The following TREML2 variants were observed in gnomAD, a reference collection of about 807,000 sequenced individuals.
TREML2 encodes triggering receptor expressed on myeloid cells like 2.
In TREML2, 24 loss-of-function variants were observed where a neutral mutation model predicts 25.9. That is an observed-to-expected ratio of 0.93 (90% CI 0.67 to 1.30). The LOEUF is 1.30. Among genes scored for constraint, TREML2 ranks in the 50% most tolerant of loss-of-function variants. The pLI is 0.00. For missense variants in TREML2, 359 were observed against 395.6 expected (o/e 0.91, Z 0.78); for synonymous variants, 139 against 155.2 (o/e 0.90, Z 0.77).
At chr6:41,192,547 C>A in intron 4 of TREML2, 41 bp from the exon 5 acceptor site, 1 of 1,573,096 alleles carries the variant, frequency 6.4e-7, no homozygotes, top group Non-Finnish European at 8.7e-7. Context: ...TCCTGCCCTG[C>A]CCACGGTGCC....
At chr6:41,193,016 G>A (rs796421328) in intron 3 of TREML2, 115 bp from the exon 4 acceptor site, 13 of 773,950 alleles carry the variant, frequency 1.7e-5, no homozygotes, top group South Asian at 1.1e-4. Context: ...CGGGGTAGAC[G>A]GCCACCCTCT....
At chr6:41,192,558 C>G (rs1766084883) in intron 4 of TREML2, 52 bp from the exon 5 acceptor site, 1 of 1,538,934 alleles carries the variant, frequency 6.5e-7, no homozygotes, top group Non-Finnish European at 9.0e-7. Context: ...CCACGGTGCC[C>G]CGATGCTCCT....
At chr6:41,192,770 C>T in intron 4 of TREML2, 31 bp downstream of exon 4, 1 of 1,590,148 alleles carries the variant, frequency 6.3e-7, no homozygotes. Flanking sequence ...GAGCTCTGCC[C>T]TCAGGAGGCT....
chr6:41,195,225 G>A (rs1324558172), intron 2 of TREML2, among the ~76,000 whole-genome samples: 1 of 152,108 alleles, frequency 6.6e-6, no homozygotes, highest in Non-Finnish European at 1.5e-5. Flanking sequence ...GACAAGTAGG[G>A]TCCAGAGATG....
intron 2 of TREML2, among the ~76,000 whole-genome samples, chr6:41,197,565 C>T (rs1372102363): frequency 6.6e-6 from 1 of 152,174 alleles, no homozygotes; most frequent in African/African-American, 2.4e-5. Flanking sequence ...CTCTGACCCC[C>T]AGTACTTCAG....
At chr6:41,196,591 G>A (rs146851403) in intron 2 of TREML2, among the ~76,000 whole-genome samples, 3 of 152,122 alleles carry the variant, frequency 2.0e-5, no homozygotes, top group Non-Finnish European at 4.4e-5. Flanking sequence ...AAGCTCAGTG[G>A]TTCTTTATTA....
At chr6:41,192,603 G>C (rs533357126) in intron 4 of TREML2, 97 bp from the exon 5 acceptor site, 1 of 1,339,878 alleles carries the variant, frequency 7.5e-7, no homozygotes, top group East Asian at 2.4e-5. Flanking sequence ...CTCTGCCTCT[G>C]GTTCCTTCCA....
chr6:41,192,742 C>G (rs1766090262), intron 4 of TREML2, 59 bp downstream of exon 4: 1 of 1,489,854 alleles, frequency 6.7e-7, no homozygotes, highest in Middle Eastern at 1.7e-4. Context: ...AGGTCATAAC[C>G]CTTAGTGCAG....
chr6:41,199,675 A>T (rs756693333), intron 1 of TREML2, among the ~76,000 whole-genome samples: 5 of 152,002 alleles, frequency 3.3e-5, no homozygotes, highest in Non-Finnish European at 1.5e-5. Flanking sequence ...AGCTCAGCTG[A>T]CTCTTCTGAT....
Position 41,199,741 on chromosome 6 carries a change from G to A in TREML2, c.55+1213C>T, listed in dbSNP as rs866067888. Reference sequence around the variant, plus strand: ...ACATATAAAAAGACTCTCCCCCATAGTAGAGAACAGAGAGCACACATTTTG... The same window carrying A: ...ACATATAAAAAGACTCTCCCCCATAATAGAGAACAGAGAGCACACATTTTG... On this transcript the variant is annotated intron_variant, in intron 1 of 4. Transcript: ENST00000483722. Among the ~76,000 whole-genome samples the A allele has an allele frequency of 5.3e-5, 8 of 152,324 alleles. No individual in the cohort carries two copies. The South Asian group carries it at 1.7e-3, about 32-fold the overall frequency.
chr6:41,197,975 T>A, intron 2 of TREML2, 134 bp downstream of exon 2: 1 of 882,124 alleles, frequency 1.1e-6, no homozygotes, highest in Non-Finnish European at 1.7e-6. Context: ...AATAGTGCCA[T>A]AAAGGCACTC....
intron 2 of TREML2, 36 bp from the exon 3 acceptor site, chr6:41,194,869 T>C: frequency 6.5e-7 from 1 of 1,534,664 alleles, no homozygotes; most frequent in Non-Finnish European, 8.8e-7. Context: ...TAGATTGACT[T>C]GGGTGCCTCA....
At position 41,198,417 on chromosome 6, in the gene TREML2, T is replaced by G; in HGVS notation, c.68A>C (p.Asp23Ala). ...PQGCVSGPSA[D>A]SVYTKVRLLE... Reference sequence around the variant, plus strand: ...GAGCCTCACTTTTGTGTATACACTGTCAGCAGAGGGGCCTGTGGAGACAAT... The same window carrying G: ...GAGCCTCACTTTTGTGTATACACTGGCAGCAGAGGGGCCTGTGGAGACAAT... Residue 23 changes from aspartate to alanine, a missense_variant, in exon 2 of 5, where the codon GAC becomes GCC. Physicochemically the swap from Asp to Ala is moderately radical, Grantham distance 126. Coordinates refer to ENST00000483722, the MANE Select transcript of TREML2 (RefSeq NM_024807.4). 1 of 1,606,428 alleles carries G rather than the reference T, an allele frequency of 6.2e-7. No individual in the cohort carries two copies. Among genetic ancestry groups the G allele is most frequent in the Non-Finnish European group, 8.5e-7 (1 of 1,173,420 alleles).
At chr6:41,194,090 A>G (rs546631201) in intron 3 of TREML2, among the ~76,000 whole-genome samples, 46 of 128,346 alleles carry the variant, frequency 3.6e-4, no homozygotes, top group Middle Eastern at 3.9e-3. Context: ...CTTTCACCTG[A>G]CCTTCCTCCT....
At position 41,192,834 on chromosome 6, in the gene TREML2, C is replaced by T. The variant is rs35521209; in HGVS notation, c.853G>A (p.Val285Ile). ...LTLLVLMLIMVYGFWKKRHMA... is the reference protein window; with the variant it reads ...LTLLVLMLIMIYGFWKKRHMA... ...TGTCTCTTCTTCCAAAACCCATAGA[C>T]CATGATCAGCATCAGCACCAGGAGG... The change falls in exon 4 of 5, where the codon GTC becomes ATC. Residue 285 changes from valine (V) to isoleucine (I), a missense_variant. Val to Ile is a conservative substitution (Grantham distance 29, BLOSUM62 3). Transcript: ENST00000483722. 5,566 of 1,612,206 alleles carry T rather than the reference C, an allele frequency of 3.5e-3. 167 individuals are homozygous for T. In the African/African-American group the frequency reaches 0.064, roughly 19 times the overall value.
Position 41,192,523 on chromosome 6 carries a change from G to A in TREML2, c.887-17C>T. 6.2e-7 allele frequency: 1 copy of A among 1,612,694 alleles called. No homozygotes were observed. Among genetic ancestry groups the A allele is most frequent in the Non-Finnish European group, 8.5e-7 (1 of 1,179,208 alleles). ...TGCTGTAGCCTGCAAGAAACAGGGA[G>A]AGCTGAGGAAGTGTCCTGCCCTGCC... On this transcript the variant is annotated splice_polypyrimidine_tract_variant and intron_variant, in intron 4 of 4. Transcript: ENST00000483722.
Position 41,191,169 on chromosome 6 carries a change from C to CTGTGTGTGTGTGTGTGTGTG in TREML2, c.*1238_*1257dup, listed in dbSNP as rs1179546033. On this transcript the variant is annotated 3_prime_UTR_variant, in exon 5 of 5. Transcript: ENST00000483722. Reference sequence around the variant, plus strand: ...CCAGTCACTCCAGGTCAGTAGACACCTGTGTGTGTGTGTGTGTGTGTGTGT... The same window carrying CTGTGTGTGTGTGTGTGTGTG: ...CCAGTCACTCCAGGTCAGTAGACACCTGTGTGTGTGTGTGTGTGTGTGTGTGTGTGTGTGTGTGTGTGTGT... 1 of 117,250 alleles carries CTGTGTGTGTGTGTGTGTGTG rather than the reference C, an allele frequency of 8.5e-6. No homozygotes were observed. The highest frequency in any genetic ancestry group is 1.7e-5 in the Non-Finnish European group (1 of 57,368). The allele number at this position is 117,250 out of a possible 1,614,324, so 7.3% of individuals were successfully genotyped here. A position where few individuals can be genotyped will look rare whatever the true frequency, so the allele number is the denominator to read the frequency against.
At chr6:41,192,945 C>A in intron 3 of TREML2, 44 bp from the exon 4 acceptor site, 2 of 1,475,230 alleles carry the variant, frequency 1.4e-6, no homozygotes, top group East Asian at 2.4e-5. Flanking sequence ...CACCAAGGTC[C>A]CCCATCCTAA....
At position 41,191,652 on chromosome 6, in the gene TREML2, G is replaced by A. The variant is rs983377660; in HGVS notation, c.*775C>T. 3 of 152,286 alleles carry A rather than the reference G, an allele frequency of 2.0e-5. No homozygotes were observed. The highest frequency in any genetic ancestry group is 7.2e-5 in the African/African-American group (3 of 41,426). 9.4% of individuals were successfully genotyped at this position (152,286 alleles called of 1,614,324 possible). Reference sequence around the variant, plus strand: ...TTGGAGCCCAGGTGTAGAAGCTGGGGGAGAGAGCCCCAAGTCCAGCCTCTG... The same window carrying A: ...TTGGAGCCCAGGTGTAGAAGCTGGGAGAGAGAGCCCCAAGTCCAGCCTCTG... On this transcript the variant is annotated 3_prime_UTR_variant, in exon 5 of 5. Coordinates refer to ENST00000483722, the MANE Select transcript of TREML2 (RefSeq NM_024807.4).
Sources: gnomAD v4.1 joint callset for allele counts (sites outside exome capture counted in the v4.1 genomes callset) on GRCh38, gnomAD v4.1.1 for gene constraint, MANE v1.5 for transcripts, NCBI Gene and HGNC (gene_info 2026-07-23, HGNC 2026-07-21) for gene names.